The following NDUFA7 variants were observed in gnomAD, a reference collection of about 807,000 sequenced individuals.
NDUFA7 encodes the protein NADH dehydrogenase [ubiquinone] 1 alpha subcomplex subunit 7.
A neutral mutation model predicts 14.2 loss-of-function variants in NDUFA7; 18 were observed. The observed-to-expected ratio is 1.27, with a 90% confidence interval of 0.88 to 1.88. The LOEUF is 1.88. Among genes scored for constraint, NDUFA7 ranks in the 40% most tolerant of loss-of-function variants. The pLI is 0.00. For synonymous variants in NDUFA7, 75 were observed against 62.1 expected, an observed-to-expected ratio of 1.21 and a Z score of -0.98; for missense variants, 172 against 147.3, an observed-to-expected ratio of 1.17 and a Z score of -0.87.
At chr19:8,310,403 T>A (rs2145387437), downstream of NDUFA7, 1 of 152,036 alleles carries the variant, frequency 6.6e-6, no homozygotes, top group South Asian at 2.1e-4. Context: ...TACTCTAGCC[T>A]GGGCAACAAG....
rs762114406 is a variant in NDUFA7, at chr19:8,320,898, C to G, written c.60G>C (p.Leu20=). 1.1e-4 allele frequency: 177 copies of G among 1,613,664 alleles called. No homozygotes were observed. The highest frequency in any genetic ancestry group is 1.3e-4 in the Non-Finnish European group (154 of 1,180,018). The change falls in exon 2 of 4, where the codon CTG becomes CTC. Residue 20 remains leucine, a synonymous_variant. Transcript: ENST00000301457. ...GGTAGCGTAGCTGCAGCTTCCCCTG[C>G]AGGTCATGCTGTGGGAAGAGGAGAG... ...RLRNWASGHD[L]QGKLQLRYQE... is the part of the protein sequence containing the mutation.
chr19:8,308,633 C>T (rs112427796), downstream of NDUFA7: 47 of 328,938 alleles, frequency 1.4e-4, no homozygotes, highest in African/African-American at 1.0e-3. Flanking sequence ...GCAGCCACGC[C>T]CCTCAGGCAC....
intron 3 of NDUFA7, 34 bp downstream of exon 3, chr19:8,316,461 TG>T: frequency 6.2e-7 from 1 of 1,609,164 alleles, no homozygotes; most frequent in Non-Finnish European, 8.5e-7. Flanking sequence ...GGAGGGGGCA[TG>T]GGGGCTGTGG....
chr19:8,311,038 T>G (rs1446400678), downstream of NDUFA7, among the ~76,000 whole-genome samples: 2 of 152,030 alleles, frequency 1.3e-5, no homozygotes, highest in Non-Finnish European at 2.9e-5. Flanking sequence ...TTCTATCTCC[T>G]CCCCAGGAAC....
At chr19:8,315,010 A>C (rs8109861) in intron 3 of NDUFA7, among the ~76,000 whole-genome samples, 1 of 152,070 alleles carries the variant, frequency 6.6e-6, no homozygotes, top group Non-Finnish European at 1.5e-5. Flanking sequence ...GACATGTGCT[A>C]TGTCAACTCA....
chr19:8,317,007 C>CT (rs1970243847), intron 2 of NDUFA7, among the ~76,000 whole-genome samples: 15 of 152,202 alleles, frequency 9.9e-5, no homozygotes, highest in Admixed American at 9.2e-4. Context: ...TTTGTCCACT[C>CT]TGAGTGGCTT....
At chr19:8,320,655 T>C (rs1970291862) in intron 2 of NDUFA7, among the ~76,000 whole-genome samples, 1 of 152,162 alleles carries the variant, frequency 6.6e-6, no homozygotes, top group Non-Finnish European at 1.5e-5. Flanking sequence ...CCAGTCAGAA[T>C]GCACGCCCGG....
chr19:8,314,369 TCA>T (rs1436747024), intron 3 of NDUFA7, among the ~76,000 whole-genome samples: 6 of 149,984 alleles, frequency 4.0e-5, no homozygotes, highest in African/African-American at 1.3e-4. Flanking sequence ...CAGTAATGTC[TCA>T]GTTTCTCACA....
chr19:8,316,455 G>T (rs773969783), intron 3 of NDUFA7, 41 bp downstream of exon 3: 1 of 1,604,670 alleles, frequency 6.2e-7, no homozygotes. Context: ...GTTGCAGGAG[G>T]GGGCATGGGG....
At chr19:8,314,802 A>G (rs1970214795) in intron 3 of NDUFA7, among the ~76,000 whole-genome samples, 1 of 152,098 alleles carries the variant, frequency 6.6e-6, no homozygotes, top group South Asian at 2.1e-4. Flanking sequence ...AGTCCTAGCC[A>G]CTAGGCAGGC....
Position 8,311,566 on chromosome 19 carries a change from G to A in NDUFA7, c.281C>T (p.Ala94Val), listed in dbSNP as rs767492265. 1.7e-5 allele frequency: 27 copies of A among 1,612,438 alleles called. No homozygotes were observed. In the East Asian group the frequency reaches 2.0e-4, roughly 12 times the overall value. Reference protein sequence around the residue: ...SSAVAATEKKAVTPAPPIKRW... With the variant: ...SSAVAATEKKVVTPAPPIKRW... ...CTTTATGGGAGGAGCTGGAGTCACCGCCTTCTTCTCAGTGGCAGCTACAGC... is the reference window on the plus strand; with the variant it reads ...CTTTATGGGAGGAGCTGGAGTCACCACCTTCTTCTCAGTGGCAGCTACAGC... Residue 94 changes from alanine to valine, a missense_variant, in exon 4 of 4, where the codon GCG becomes GTG. By Grantham distance (64) the Ala-to-Val change is moderately conservative. Coordinates refer to ENST00000301457, the MANE Select transcript of NDUFA7 (RefSeq NM_005001.5).
intron 2 of NDUFA7, among the ~76,000 whole-genome samples, chr19:8,320,204 G>A (rs1970285583): frequency 6.6e-6 from 1 of 152,138 alleles, no homozygotes; most frequent in Non-Finnish European, 1.5e-5. Flanking sequence ...CCATCATTCA[G>A]GGGACTCAAC....
rs117623540 is a variant in NDUFA7 at position 8,317,621 on chromosome 19, T to C, written c.102-976A>G. Among the ~76,000 whole-genome samples the C allele has an allele frequency of 9.7e-3, 1,474 of 152,302 alleles. 17 individuals carry two copies. The highest frequency in any genetic ancestry group is 0.014 in the Non-Finnish European group (966 of 68,026). Reference sequence around the variant, plus strand: ...CCACTTAGCCATGTTTCTAAGTCACTTTTTTGTCTGGGAACTGTTTCCCGG... The same window carrying C: ...CCACTTAGCCATGTTTCTAAGTCACCTTTTTGTCTGGGAACTGTTTCCCGG... On this transcript the variant is annotated intron_variant, in intron 2 of 3. Coordinates refer to ENST00000301457, the MANE Select transcript of NDUFA7 (RefSeq NM_005001.5).
chr19:8,310,554 A>G (rs117413704), downstream of NDUFA7: 764 of 152,122 alleles, frequency 5.0e-3, 3 homozygotes, highest in Middle Eastern at 0.034. Context: ...TGGGAGTCCA[A>G]CCTCCCAGAA....
rs1345416244 is a variant in NDUFA7, at chr19:8,321,296, C to T, written c.51+12G>A. 4.5e-6 allele frequency: 7 copies of T among 1,563,300 alleles called. No individual in the cohort carries two copies. The highest frequency in any genetic ancestry group is 6.0e-6 in the Non-Finnish European group (7 of 1,157,638). ...AAGCCCCCCATGGTGCAGCCCTGTC[C>T]GCCCCGCGCACCCCGGACGCCCAGT... On this transcript the variant is annotated intron_variant, in intron 1 of 3. Transcript: ENST00000301457.
chr19:8,310,073 G>C (rs1970158740), downstream of NDUFA7, among the ~76,000 whole-genome samples: 1 of 152,210 alleles, frequency 6.6e-6, no homozygotes, highest in African/African-American at 2.4e-5. Context: ...TGGTCAAGCA[G>C]GAGCCTCAGT....
chr19:8,317,446 T>C (rs1037472417), intron 2 of NDUFA7, among the ~76,000 whole-genome samples: 3 of 151,888 alleles, frequency 2.0e-5, no homozygotes, highest in African/African-American at 4.8e-5. Flanking sequence ...GAGGCAGAGG[T>C]TGCAGTGAGC....
chr19:8,316,653 GA>G lies in NDUFA7; in HGVS notation c.102-9del, dbSNP rs1390249664. ...TTGGGAGGAGGCTGAGTTCTGAGGGGAAAAAAGATGAGCACTGAAGCAAAGA... is the reference window on the plus strand; with the variant it reads ...TTGGGAGGAGGCTGAGTTCTGAGGGGAAAAAGATGAGCACTGAAGCAAAGA... On this transcript the variant is annotated splice_polypyrimidine_tract_variant and intron_variant, in intron 2 of 3. Transcript: ENST00000301457. The G allele has an allele frequency of 3.1e-6, 5 of 1,612,430 alleles. No individual in the cohort carries two copies. Among genetic ancestry groups the G allele is most frequent in the South Asian group, 1.1e-5 (1 of 90,950 alleles).
At chr19:8,316,966 C>T (rs74819272) in intron 2 of NDUFA7, among the ~76,000 whole-genome samples, 1,848 of 152,302 alleles carry the variant, frequency 0.012, 38 homozygotes, top group African/African-American at 0.041. Context: ...CCCCACCCCA[C>T]GGCTGAGCTT....
Sources: allele counts gnomAD v4.1 joint callset (sites outside exome capture counted in the v4.1 genomes callset), GRCh38; gene constraint gnomAD v4.1.1; transcripts MANE v1.5; gene names NCBI Gene and HGNC (gene_info 2026-07-23, HGNC 2026-07-21).